The following RYR1 variants were observed in gnomAD, a reference collection of about 807,000 sequenced individuals.
The protein encoded by RYR1 is ryanodine receptor 1.
In RYR1, 342 loss-of-function variants were observed where a neutral mutation model predicts 583.5. The observed-to-expected ratio is 0.59, with a 90% CI of 0.54 to 0.64. The LOEUF is 0.64. Among genes scored for constraint, RYR1 ranks in the 30% least tolerant of loss-of-function variants. The probability of loss-of-function intolerance (pLI) is 0.00; values close to 1 mark genes in which losing one functional copy is unlikely to be tolerated. For missense variants in RYR1, 6,032 were observed against 6,917.2 expected (o/e 0.87, Z 4.54); for synonymous variants, 2,791 against 2,822.5 (o/e 0.99, Z 0.35).
At chr19:38,476,511 T>G (rs1968737641) in intron 29 of RYR1, among the ~76,000 whole-genome samples, 1 of 152,178 alleles carries the variant, frequency 6.6e-6, no homozygotes, top group East Asian at 1.9e-4. Context: ...TTTTGTATTT[T>G]TGGTAGAAAC....
intron 89 of RYR1, among the ~76,000 whole-genome samples, chr19:38,549,672 C>T (rs1972575860): frequency 6.7e-6 from 1 of 148,838 alleles, no homozygotes; most frequent in African/African-American, 2.5e-5. Context: ...TTACTATTTA[C>T]TCCATCATGA....
chr19:38,505,246 A>G (rs1383763277), intron 52 of RYR1, 63 bp from the exon 53 acceptor site: 2 of 1,278,490 alleles, frequency 1.6e-6, no homozygotes, highest in Non-Finnish European at 2.2e-6. Context: ...CGGCTCCTCC[A>G]GGGTCGCCCC....
At chr19:38,471,582 G>A (rs1268563823) in intron 27 of RYR1, among the ~76,000 whole-genome samples, 1 of 151,570 alleles carries the variant, frequency 6.6e-6, no homozygotes, top group Non-Finnish European at 1.5e-5. Context: ...AGGGGAGAAA[G>A]AGGAGAGAAA....
chr19:38,477,917 G>A, intron 30 of RYR1, 47 bp downstream of exon 30: 1 of 1,549,992 alleles, frequency 6.5e-7, no homozygotes, highest in Non-Finnish European at 8.8e-7. Flanking sequence ...GGGAGGGCAG[G>A]AGGCAGTCAG....
chr19:38,558,799 T>A (rs75424638), intron 89 of RYR1, among the ~76,000 whole-genome samples: 3,467 of 144,662 alleles, frequency 0.024, 129 homozygotes, highest in African/African-American at 0.083. Flanking sequence ...AATAATTTTT[T>A]AAAAAAATAG....
In RYR1 at chr19:38,444,660, G is replaced by T; in HGVS notation, c.614G>T (p.Cys205Phe). ...MQTLWNMNPI[C>F]SRCEEGFVTG... ...ACACTATGGAACATGAACCCCATCT[G>T]CTCCCGCTGCGAAGAGGGTGAGGGC... Residue 205 changes from cysteine (C) to phenylalanine (F), a missense_variant, in exon 7 of 106, where the codon TGC becomes TTC. By Grantham distance (205) the Cys-to-Phe change is radical (BLOSUM62 -2). Coordinates refer to ENST00000359596, the MANE Select transcript of RYR1 (RefSeq NM_000540.3). This position sits in a 1 kb window ranked among gnomAD's most constrained non-coding sequence, Gnocchi z 5.1. 1 of 1,613,578 alleles carries T rather than the reference G, an allele frequency of 6.2e-7. No homozygotes were observed. Among genetic ancestry groups the T allele is most frequent in the Non-Finnish European group, 8.5e-7 (1 of 1,179,748 alleles).
Position 38,525,440 on chromosome 19 carries a change from C to A in RYR1, c.10564C>A (p.Leu3522Met), listed in dbSNP as rs200144997. 96 of 1,613,490 alleles carry A rather than the reference C, an allele frequency of 5.9e-5. No individual in the cohort carries two copies. The Admixed American group carries it at 1.6e-3, about 27-fold the overall frequency. ...ATLKKMLPIG[L>M]NMCAPTDQDL... is the part of the protein sequence containing the mutation. ...ACTGAAGAAGATGCTGCCCATCGGC[C>A]TGAATATGTGTGCGCCCACCGACCA... The change falls in exon 71 of 106, where the codon CTG (leucine) becomes ATG (methionine). Residue 3522 changes from leucine (L) to methionine (M), a missense_variant. Coordinates refer to ENST00000359596, the MANE Select transcript of RYR1 (RefSeq NM_000540.3).
chr19:38,488,774 G>A (rs1969414577), intron 34 of RYR1, among the ~76,000 whole-genome samples: 1 of 152,142 alleles, frequency 6.6e-6, no homozygotes, highest in Non-Finnish European at 1.5e-5. Context: ...CAAAGTGCTG[G>A]GATTACAGGT....
chr19:38,519,398 C>A lies in RYR1; in HGVS notation c.10203C>A (p.Leu3401=), dbSNP rs2145689365. ...ELLVRDEFSV[L]CRDLYALYPL... ...TGGTGCGGGACGAGTTCTCTGTGCTCTGCCGGGACCTCTACGCCCTGTATC... is the reference window on the plus strand; with the variant it reads ...TGGTGCGGGACGAGTTCTCTGTGCTATGCCGGGACCTCTACGCCCTGTATC... The change falls in exon 67 of 106, where the codon CTC becomes CTA. Residue 3401 remains leucine, a synonymous_variant. Transcript: ENST00000359596. The A allele has an allele frequency of 1.9e-6, 3 of 1,603,956 alleles. No individual in the cohort carries two copies. Among genetic ancestry groups the A allele is most frequent in the Non-Finnish European group, 2.6e-6 (3 of 1,175,820 alleles).
intron 83 of RYR1, 144 bp downstream of exon 83, chr19:38,536,911 C>T: frequency 1.2e-6 from 1 of 818,070 alleles, no homozygotes; most frequent in Non-Finnish European, 2.1e-6. Flanking sequence ...CAGTGCAAAA[C>T]CTGGAGATCA....
chr19:38,567,466 G>A (rs1973497353), intron 92 of RYR1, among the ~76,000 whole-genome samples: 1 of 152,126 alleles, frequency 6.6e-6, no homozygotes, highest in Admixed American at 6.6e-5. Flanking sequence ...CAATTCTCCA[G>A]GACACCTGAC....
At chr19:38,521,281 T>A (rs1232463362) in intron 67 of RYR1, among the ~76,000 whole-genome samples, 1 of 150,872 alleles carries the variant, frequency 6.6e-6, no homozygotes, top group African/African-American at 2.4e-5. Flanking sequence ...GCAACAGAGA[T>A]AGACCCTGTC....
At chr19:38,435,389 G>T (rs1271166981) in intron 1 of RYR1, among the ~76,000 whole-genome samples, 1 of 152,160 alleles carries the variant, frequency 6.6e-6, no homozygotes, top group Non-Finnish European at 1.5e-5. Context: ...CTCCACCCCA[G>T]ACTGGGTCAG....
chr19:38,473,479 C>T lies in RYR1; in HGVS notation c.3868C>T (p.Leu1290=), dbSNP rs745572367. 53 of 1,613,724 alleles carry T rather than the reference C, an allele frequency of 3.3e-5. No homozygotes were observed. The highest frequency in any genetic ancestry group is 4.3e-5 in the Non-Finnish European group (51 of 1,179,918). The part of the protein sequence containing the change: ...NSLVEMLFLR[L]SLPVQFHQHF... ...CCTGGTGGAGATGCTTTTCCTGCGG[C>T]TGAGCCTCCCAGTCCAGTTCCACCA... The change falls in exon 28 of 106, where the codon CTG becomes TTG. Residue 1290 remains leucine (L), a synonymous_variant. Coordinates refer to ENST00000359596, the MANE Select transcript of RYR1 (RefSeq NM_000540.3).
intron 93 of RYR1, among the ~76,000 whole-genome samples, 177 bp from the exon 94 acceptor site, chr19:38,570,430 C>T (rs912871677): frequency 3.3e-5 from 5 of 151,890 alleles, no homozygotes; most frequent in Non-Finnish European, 5.9e-5. Context: ...CCAGCCTGGA[C>T]GACAGAGCAA....
intron 1 of RYR1, among the ~76,000 whole-genome samples, chr19:38,438,902 G>C (rs1972547804): frequency 6.6e-6 from 1 of 152,054 alleles, no homozygotes. Flanking sequence ...ACAGGCGTGA[G>C]CCGCCGTGCC....
intron 99 of RYR1, 27 bp downstream of exon 99, chr19:38,578,231 G>A: frequency 6.2e-7 from 1 of 1,610,882 alleles, no homozygotes; most frequent in Non-Finnish European, 8.5e-7. Context: ...AGACTGGGGA[G>A]GGACTCTGCA....
In RYR1 at chr19:38,515,115, G is replaced by A. The variant is rs375627885; in HGVS notation, c.9554+8G>A. 1.1e-5 allele frequency: 17 copies of A among 1,598,284 alleles called. No individual in the cohort carries two copies. In the African/African-American group the frequency reaches 2.3e-4, roughly 21 times the overall value. On this transcript the variant is annotated splice_region_variant and intron_variant, in intron 64 of 105. Transcript: ENST00000359596. ...GAACACTTATGTGGAAAAGTAAGGA[G>A]AGGGAGCCATCGTTTGGGGCTGGGT...
chr19:38,494,727 G>C, intron 39 of RYR1, 102 bp downstream of exon 39: 1 of 1,465,576 alleles, frequency 6.8e-7, no homozygotes. Context: ...CCCATCCTCT[G>C]GGTGATCTCA....
Sources: gnomAD v4.1 joint callset for allele counts (sites outside exome capture counted in the v4.1 genomes callset) on GRCh38, gnomAD v4.1.1 for gene constraint, Gnocchi (gnomAD v3.1) non-coding constraint, MANE v1.5 for transcripts, NCBI Gene and HGNC (gene_info 2026-07-23, HGNC 2026-07-21) for gene names.